Variants in KAZN observed in about 807,000 individuals in gnomAD.
The protein encoded by KAZN is kazrin.
Under a neutral mutation model 87.4 loss-of-function variants are expected in KAZN, and 40 were observed. The ratio of observed to expected loss-of-function variants is 0.46; its 90% CI spans 0.36 to 0.60. The LOEUF is 0.60. Ranked by LOEUF, KAZN falls within the 20% of genes least tolerant of loss-of-function variation. KAZN has a pLI of 0.00. For synonymous variants in KAZN, 466 were observed against 458.3 expected, an observed-to-expected ratio of 1.02 and a Z score of -0.22; for missense variants, 898 against 1,073.9, an observed-to-expected ratio of 0.84 and a Z score of 2.29.
chr1:14,578,940 C>T (rs1379108565), intron 2 of KAZN, among the ~76,000 whole-genome samples: 1 of 152,146 alleles, frequency 6.6e-6, no homozygotes, highest in Non-Finnish European at 1.5e-5. Flanking sequence ...CTTCTTGAAG[C>T]TGAGGACCAA....
At chr1:14,111,589 T>C (rs760883970) in intron 1 of KAZN, among the ~76,000 whole-genome samples, 1 of 134,232 alleles carries the variant, frequency 7.4e-6, no homozygotes, top group Non-Finnish European at 1.6e-5. Flanking sequence ...CTGTGCTTTT[T>C]GAGGGTTGCA....
At chr1:14,717,716 C>A (rs1034915818) in intron 1 of KAZN, among the ~76,000 whole-genome samples, 2 of 152,158 alleles carry the variant, frequency 1.3e-5, no homozygotes, top group Non-Finnish European at 2.9e-5. Context: ...ACCTGAGGCC[C>A]AAGAGGCCCC....
intron 2 of KAZN, among the ~76,000 whole-genome samples, chr1:14,339,021 GA>G (rs35833377): frequency 0.39 from 58,467 of 151,452 alleles, 12,598 homozygotes; most frequent in African/African-American, 0.59. Context: ...CAGAGACTCT[GA>G]AAAAAGAAAA....
At chr1:14,310,382 C>G (rs535859081) in intron 2 of KAZN, among the ~76,000 whole-genome samples, 1 of 152,320 alleles carries the variant, frequency 6.6e-6, no homozygotes, top group Admixed American at 6.5e-5. Flanking sequence ...AAACTCCCAG[C>G]AGGCCTCGGA....
At chr1:14,445,628 G>A (rs1666943023) in intron 2 of KAZN, among the ~76,000 whole-genome samples, 1 of 152,154 alleles carries the variant, frequency 6.6e-6, no homozygotes, top group East Asian at 1.9e-4. Flanking sequence ...ACACCAACAT[G>A]GTGGTCTGGG....
At chr1:13,933,022 G>A (rs1350406940) in intron 1 of KAZN, among the ~76,000 whole-genome samples, 1 of 151,986 alleles carries the variant, frequency 6.6e-6, no homozygotes. Flanking sequence ...CTATTTCCCC[G>A]AATGTTAATA....
intron 2 of KAZN, among the ~76,000 whole-genome samples, chr1:14,435,478 A>T (rs1308010948): frequency 6.6e-6 from 1 of 152,086 alleles, no homozygotes; most frequent in Non-Finnish European, 1.5e-5. Flanking sequence ...CAGAGGCATG[A>T]CCCGCGCCAC....
chr1:14,944,847 TTCTGCGGATGGC>T (rs1661549397), intron 1 of KAZN, among the ~76,000 whole-genome samples: 1 of 152,226 alleles, frequency 6.6e-6, no homozygotes, highest in Non-Finnish European at 1.5e-5. Flanking sequence ...CAGCAAGGCC[TTCTGCGGATGGC>T]GGCACCATCC....
In KAZN at chr1:15,077,015, A is replaced by G. The variant is rs953251034; in HGVS notation, c.1222+11262A>G. On this transcript the variant is annotated intron_variant, in intron 8 of 14. Coordinates refer to ENST00000376030, the MANE Select transcript of KAZN (RefSeq NM_201628.3). The surrounding 1 kb of genome is among the most constrained non-coding windows in gnomAD (Gnocchi z 4.8). ...AGTGACGTGGCCACGTGGGGCCAGC[A>G]CGTGCTGTAGCAAAAGGAAGCAGCT... Among the ~76,000 whole-genome samples the G allele has an allele frequency of 1.3e-5, 2 of 152,216 alleles. No individual in the cohort carries two copies. The highest frequency in any genetic ancestry group is 2.9e-5 in the Non-Finnish European group (2 of 68,036).
intron 1 of KAZN, among the ~76,000 whole-genome samples, chr1:14,643,952 G>T (rs1459218382): frequency 6.7e-6 from 1 of 149,504 alleles, no homozygotes; most frequent in Non-Finnish European, 1.5e-5. Flanking sequence ...ATTCTTCTTG[G>T]CCACATGTGT....
intron 2 of KAZN, among the ~76,000 whole-genome samples, chr1:14,231,968 A>T (rs1647900665): frequency 6.6e-6 from 1 of 151,998 alleles, no homozygotes; most frequent in South Asian, 2.1e-4. Context: ...GGTCTGGGGG[A>T]TGGCTTGGGA....
chr1:15,043,932 G>A (rs1673188342), intron 3 of KAZN, 57 bp from the exon 4 acceptor site: 1 of 1,515,182 alleles, frequency 6.6e-7, no homozygotes, highest in Non-Finnish European at 8.9e-7. Flanking sequence ...GGCATCCCTG[G>A]GCCAGGAGGA....
chr1:14,665,932 C>CAAAG (rs759982678), intron 1 of KAZN, among the ~76,000 whole-genome samples: 57 of 108,030 alleles, frequency 5.3e-4, no homozygotes, highest in Non-Finnish European at 8.6e-4. Context: ...AAGCTTTGCT[C>CAAAG]AAAAAAAAAA....
intron 2 of KAZN, among the ~76,000 whole-genome samples, chr1:15,029,261 G>T (rs1010426799): frequency 2.0e-5 from 3 of 152,214 alleles, no homozygotes; most frequent in Admixed American, 1.3e-4. Flanking sequence ...CTATGAGAGC[G>T]TCAGCCTCCC....
intron 2 of KAZN, among the ~76,000 whole-genome samples, chr1:14,568,705 C>T (rs12733976): frequency 0.23 from 34,949 of 152,112 alleles, 4,426 homozygotes; most frequent in Non-Finnish European, 0.28. Flanking sequence ...ACAGCCAACT[C>T]AGCCTCTTGA....
At chr1:14,097,408 C>T (rs1644152517) in intron 1 of KAZN, among the ~76,000 whole-genome samples, 1 of 152,196 alleles carries the variant, frequency 6.6e-6, no homozygotes, top group South Asian at 2.1e-4. Context: ...TCCCTGCTTG[C>T]CTGGAATGTT....
chr1:13,987,844 G>A (rs1639092079), intron 1 of KAZN, among the ~76,000 whole-genome samples: 1 of 152,144 alleles, frequency 6.6e-6, no homozygotes, highest in Non-Finnish European at 1.5e-5. Context: ...ACCTGAGCCT[G>A]GGTAATTTAC....
chr1:14,675,047 G>A lies in KAZN; in HGVS notation c.226+75824G>A, dbSNP rs548322276. On this transcript the variant is annotated intron_variant, in intron 1 of 14. Coordinates refer to ENST00000376030, the MANE Select transcript of KAZN (RefSeq NM_201628.3). ...CAAGGCTCCCACATTCCCTCACTCCGAGGTGCCCTGTGCTGGCATTGAGGT... is the reference window on the plus strand; with the variant it reads ...CAAGGCTCCCACATTCCCTCACTCCAAGGTGCCCTGTGCTGGCATTGAGGT... Among the ~76,000 whole-genome samples, 46 of 152,280 alleles carry A rather than the reference G, an allele frequency of 3.0e-4. 1 individual carries two copies. The South Asian group carries it at 8.1e-3, about 27-fold the overall frequency.
intron 2 of KAZN, among the ~76,000 whole-genome samples, chr1:14,575,053 T>C (rs933671063): frequency 1.3e-5 from 2 of 152,194 alleles, no homozygotes; most frequent in Non-Finnish European, 2.9e-5. Flanking sequence ...CTGGTTCAGA[T>C]GGACCCTTTA....
Sources: gnomAD v4.1 joint callset for allele counts (sites outside exome capture counted in the v4.1 genomes callset) on GRCh38, gnomAD v4.1.1 for gene constraint, Gnocchi (gnomAD v3.1) non-coding constraint, MANE v1.5 for transcripts, NCBI Gene and HGNC (gene_info 2026-07-23, HGNC 2026-07-21) for gene names.